The following PCDH7 variants were observed in gnomAD, a reference collection of about 807,000 sequenced individuals.
PCDH7 encodes protocadherin-7.
PCDH7 carries 17 observed loss-of-function variants against 58.9 expected under a neutral mutation model. The observed-to-expected ratio is 0.29, with a 90% confidence interval of 0.20 to 0.43. PCDH7 has a LOEUF of 0.43. Ranked by LOEUF, PCDH7 falls within the 20% of genes least tolerant of loss-of-function variation. The pLI is 1.00. For synonymous variants in PCDH7, 664 were observed against 616.4 expected (o/e 1.08, Z -1.14); for missense variants, 1,274 against 1,441.0 (o/e 0.88, Z 1.88).
chr4:30,888,619 A>G (rs1738173881), intron 1 of PCDH7, among the ~76,000 whole-genome samples: 1 of 152,178 alleles, frequency 6.6e-6, no homozygotes, highest in African/African-American at 2.4e-5. Flanking sequence ...TTAATATTTT[A>G]CTTTGATAAC....
intron 3 of PCDH7, among the ~76,000 whole-genome samples, chr4:31,031,106 T>C (rs1754877091): frequency 6.6e-6 from 1 of 152,096 alleles, no homozygotes; most frequent in Non-Finnish European, 1.5e-5. Flanking sequence ...ATGAGGAGGA[T>C]GGAAAGATCA....
intron 1 of PCDH7, among the ~76,000 whole-genome samples, chr4:30,834,077 A>G (rs908390957): frequency 3.9e-5 from 6 of 152,190 alleles, no homozygotes; most frequent in African/African-American, 1.2e-4. Flanking sequence ...CAGTGAAGTC[A>G]TAAGCTCTTT....
downstream of PCDH7, chr4:31,143,137 G>GAA (rs11424149): frequency 3.2e-4 from 50 of 155,026 alleles, no homozygotes; most frequent in East Asian, 1.5e-3. Context: ...AAAAAGAAAA[G>GAA]AAAAAAAAAG....
intron 3 of PCDH7, among the ~76,000 whole-genome samples, chr4:31,008,565 C>A (rs1246230198): frequency 2.6e-5 from 4 of 151,944 alleles, no homozygotes. Flanking sequence ...ATTAGTGTTT[C>A]TTTCTCTTCC....
At chr4:31,110,037 C>T (rs1291965391) in intron 3 of PCDH7, among the ~76,000 whole-genome samples, 2 of 152,154 alleles carry the variant, frequency 1.3e-5, no homozygotes, top group Non-Finnish European at 2.9e-5. Flanking sequence ...ATAAGAATAG[C>T]ATTTACTAAA....
At position 30,722,553 on chromosome 4, in the gene PCDH7, G is replaced by A. The variant is rs1320280793; in HGVS notation, c.1131G>A (p.Glu377=). The A allele has an allele frequency of 3.7e-6, 6 of 1,612,560 alleles. No individual in the cohort carries two copies. In the African/African-American group the frequency reaches 6.7e-5, roughly 18 times the overall value. ...TCCTGCACCGGATCGACCGCGAGGA[G>A]GTGAACCAGCTGCGCTTCACGGTCA... Residue 377 remains glutamate, a synonymous_variant, in exon 1 of 2, where the codon GAG becomes GAA. Transcript: ENST00000361762. This position sits in a 1 kb window ranked among gnomAD's most constrained non-coding sequence, Gnocchi z 7.6.
At chr4:30,939,304 C>A (rs527898360) in intron 2 of PCDH7, among the ~76,000 whole-genome samples, 16 of 152,224 alleles carry the variant, frequency 1.1e-4, no homozygotes, top group African/African-American at 3.9e-4. Context: ...GCTTTTCATG[C>A]ACTTTCTCTC....
At chr4:31,079,345 T>C (rs199900156) in intron 3 of PCDH7, among the ~76,000 whole-genome samples, 1 of 74,222 alleles carries the variant, frequency 1.3e-5, no homozygotes, top group Non-Finnish European at 2.5e-5. Flanking sequence ...TATATATATA[T>C]ATATATATAT....
chr4:30,814,116 A>G (rs781442176), intron 1 of PCDH7, among the ~76,000 whole-genome samples: 1 of 152,098 alleles, frequency 6.6e-6, no homozygotes, highest in Non-Finnish European at 1.5e-5. Context: ...ATATTTACAG[A>G]TAGGTAACAT....
intron 1 of PCDH7, among the ~76,000 whole-genome samples, chr4:30,746,528 C>A (rs933254366): frequency 1.1e-4 from 16 of 152,244 alleles, no homozygotes; most frequent in African/African-American, 3.9e-4. Context: ...GCCAACTTTT[C>A]CATTTTCTTG....
intron 1 of PCDH7, among the ~76,000 whole-genome samples, chr4:30,889,353 CTA>C (rs966892555): frequency 1.4e-5 from 2 of 145,710 alleles, no homozygotes; most frequent in African/African-American, 2.6e-5. Flanking sequence ...ATAATAATAA[CTA>C]TTATTATCCT....
chr4:30,988,562 A>G (rs2109120173), intron 3 of PCDH7, among the ~76,000 whole-genome samples: 1 of 152,280 alleles, frequency 6.6e-6, no homozygotes, highest in East Asian at 1.9e-4. Flanking sequence ...AATATATTCA[A>G]TTTCTATATT....
chr4:30,757,341 T>C (rs1376263605), intron 1 of PCDH7, among the ~76,000 whole-genome samples: 2 of 152,200 alleles, frequency 1.3e-5, no homozygotes, highest in African/African-American at 4.8e-5. Context: ...TGCTCCTGTG[T>C]GTAAAAGCCT....
intron 2 of PCDH7, among the ~76,000 whole-genome samples, chr4:30,923,658 C>T (rs543694555): frequency 6.6e-6 from 1 of 152,156 alleles, no homozygotes; most frequent in Admixed American, 6.5e-5. Flanking sequence ...CCACAGGTCC[C>T]TGGAAAGTAA....
intron 2 of PCDH7, among the ~76,000 whole-genome samples, chr4:30,922,586 G>T (rs933471141): frequency 1.3e-5 from 2 of 152,062 alleles, no homozygotes; most frequent in African/African-American, 2.4e-5. Context: ...CTTAACAGGT[G>T]AGCTTGTTAA....
intron 1 of PCDH7, among the ~76,000 whole-genome samples, chr4:30,727,974 A>G (rs932666132): frequency 1.3e-5 from 2 of 151,800 alleles, no homozygotes; most frequent in East Asian, 1.9e-4. Context: ...AAGTAAGGTA[A>G]TTTATTTTTG....
At chr4:30,903,886 G>A (rs925152870) in intron 1 of PCDH7, among the ~76,000 whole-genome samples, 8 of 152,044 alleles carry the variant, frequency 5.3e-5, no homozygotes, top group African/African-American at 1.9e-4. Flanking sequence ...ACATGTAAAA[G>A]TAAGACTATA....
intron 3 of PCDH7, among the ~76,000 whole-genome samples, chr4:31,110,841 G>T (rs1019342240): frequency 2.0e-5 from 3 of 151,908 alleles, no homozygotes; most frequent in African/African-American, 7.3e-5. Flanking sequence ...TGTGAACCTG[G>T]GAGGCGGAGC....
intron 1 of PCDH7, among the ~76,000 whole-genome samples, chr4:30,841,712 A>C (rs1430229711): frequency 6.6e-6 from 1 of 151,992 alleles, no homozygotes; most frequent in African/African-American, 2.4e-5. Flanking sequence ...CCTAGAATAT[A>C]AGGATATAAA....
Sources: allele counts gnomAD v4.1 joint callset (sites outside exome capture counted in the v4.1 genomes callset), GRCh38; gene constraint gnomAD v4.1.1; non-coding constraint Gnocchi (gnomAD v3.1); transcripts MANE v1.5; gene names NCBI Gene and HGNC (gene_info 2026-07-23, HGNC 2026-07-21).